The following CNOT4 variants were observed in gnomAD, a reference collection of about 807,000 sequenced individuals.
CNOT4 encodes CCR4-associated factor 4.
In CNOT4, 8 loss-of-function variants were observed where a neutral mutation model predicts 73.8. That is an observed-to-expected ratio of 0.11 (90% CI 0.06 to 0.20). The LOEUF (loss-of-function observed/expected upper bound fraction) is 0.20, where lower values mean the gene tolerates loss of function less well. CNOT4 is among the 10% of genes least tolerant of loss of function. The pLI, the probability that CNOT4 is intolerant of heterozygous loss-of-function variation, is 1.00. For synonymous variants in CNOT4, 293 were observed against 321.1 expected, an observed-to-expected ratio of 0.91 and a Z score of 0.94; for missense variants, 564 against 883.4, an observed-to-expected ratio of 0.64 and a Z score of 4.58.
intron 2 of CNOT4, among the ~76,000 whole-genome samples, chr7:135,437,065 G>C (rs1165209503): frequency 6.6e-6 from 1 of 152,222 alleles, no homozygotes; most frequent in African/African-American, 2.4e-5. Context: ...AAATGTGGCA[G>C]TCCTACCTAT....
chr7:135,363,200 A>T lies in CNOT4; in HGVS notation c.1841-14T>A. 6.2e-7 allele frequency: 1 copy of T among 1,611,376 alleles called. No individual in the cohort carries two copies. Among genetic ancestry groups the T allele is most frequent in the East Asian group, 2.2e-5 (1 of 44,892 alleles). On this transcript the variant is annotated splice_polypyrimidine_tract_variant and intron_variant, in intron 11 of 11. Transcript: ENST00000541284. This position sits in a 1 kb window ranked among gnomAD's most constrained non-coding sequence, Gnocchi z 4.3. ...ACGCTGGAATACCTAAGGAGAGAAA[A>T]GAAAAAAGAGGGAAAATGGTGAGTT...
At chr7:135,386,497 GGC>G (rs1563017881) in intron 10 of CNOT4, 1 of 151,986 alleles carries the variant, frequency 6.6e-6, no homozygotes, top group African/African-American at 2.4e-5. Context: ...GTGAAGTAGT[GGC>G]TTCTTTTATG....
At position 135,503,721 on chromosome 7, in the gene CNOT4, A is replaced by G. The variant is rs534382617; in HGVS notation, c.-93+6168T>C. On this transcript the variant is annotated intron_variant, in intron 1 of 11. Transcript: ENST00000541284. ...AGAAAAATGTGTGCAGAAAGATTTA[A>G]TGCAGAATCCTAATTCTCATCTAAG... Among the ~76,000 whole-genome samples, 7 of 152,318 alleles carry G rather than the reference A, an allele frequency of 4.6e-5. No individual in the cohort carries two copies. In the East Asian group the frequency reaches 1.3e-3, roughly 29 times the overall value.
intron 10 of CNOT4, among the ~76,000 whole-genome samples, chr7:135,371,946 G>A (rs1462216697): frequency 1.3e-5 from 2 of 152,142 alleles, no homozygotes; most frequent in African/African-American, 4.8e-5. Flanking sequence ...ATTTAAGTGA[G>A]CACAAAACTG....
intron 1 of CNOT4, among the ~76,000 whole-genome samples, chr7:135,476,218 A>C (rs1038848572): frequency 6.6e-6 from 1 of 152,204 alleles, no homozygotes; most frequent in Non-Finnish European, 1.5e-5. Context: ...ATCTTCAACG[A>C]AACTGGGAGA....
rs1796431074 is a variant in CNOT4 at position 135,392,058 on chromosome 7, C to A, written c.1627+1860G>T. 2.0e-5 allele frequency among the ~76,000 whole-genome samples: 3 copies of A among 151,892 alleles called. No homozygotes were observed. In the South Asian group the frequency reaches 6.2e-4, roughly 32 times the overall value. On this transcript the variant is annotated intron_variant, in intron 10 of 11. Coordinates refer to ENST00000541284, the MANE Select transcript of CNOT4 (RefSeq NM_001190850.2). Reference sequence around the variant, plus strand: ...TGACATACTAATTCCTGCCTCTATGCCTTTACTCAGGAGGTTTCCATCAAC... The same window carrying A: ...TGACATACTAATTCCTGCCTCTATGACTTTACTCAGGAGGTTTCCATCAAC...
chr7:135,471,622 T>C (rs565735300), intron 1 of CNOT4, among the ~76,000 whole-genome samples: 2 of 152,360 alleles, frequency 1.3e-5, no homozygotes, highest in Admixed American at 6.5e-5. Context: ...TTTATGTATA[T>C]ATGTATGTAT....
At chr7:135,414,476 A>C in intron 4 of CNOT4, 44 bp from the exon 5 acceptor site, 1 of 849,198 alleles carries the variant, frequency 1.2e-6, no homozygotes, top group Non-Finnish European at 2.0e-6. Flanking sequence ...GTTAAAAATT[A>C]AACAATACTA....
At chr7:135,439,918 T>C (rs926830070) in intron 1 of CNOT4, among the ~76,000 whole-genome samples, 1 of 151,952 alleles carries the variant, frequency 6.6e-6, no homozygotes, top group Non-Finnish European at 1.5e-5. Context: ...AAAAATAGTA[T>C]ATAATCTAAT....
intron 9 of CNOT4, among the ~76,000 whole-genome samples, chr7:135,395,210 C>T (rs1243467379): frequency 1.3e-5 from 2 of 151,878 alleles, no homozygotes. Context: ...ATAGCAAGAC[C>T]CTGTCTCTAC....
At chr7:135,476,038 T>C (rs1447101625) in intron 1 of CNOT4, among the ~76,000 whole-genome samples, 1 of 152,224 alleles carries the variant, frequency 6.6e-6, no homozygotes, top group Non-Finnish European at 1.5e-5. Context: ...AATTCATTAA[T>C]TTTGGTAAAA....
At chr7:135,483,888 C>G (rs746677662) in intron 1 of CNOT4, among the ~76,000 whole-genome samples, 3 of 152,096 alleles carry the variant, frequency 2.0e-5, no homozygotes, top group South Asian at 4.1e-4. Flanking sequence ...CAAAGAACAT[C>G]TACAAAAAAA....
intron 2 of CNOT4, among the ~76,000 whole-genome samples, chr7:135,426,651 A>C (rs1383082349): frequency 1.3e-5 from 2 of 150,734 alleles, no homozygotes; most frequent in Non-Finnish European, 3.0e-5. Context: ...GGCTGGGTGC[A>C]GTGGCTCATG....
chr7:135,453,749 T>C (rs1339092691), intron 1 of CNOT4, among the ~76,000 whole-genome samples: 1 of 145,600 alleles, frequency 6.9e-6, no homozygotes, highest in East Asian at 2.0e-4. Context: ...TGTTATATTA[T>C]ATATATATAA....
intron 2 of CNOT4, among the ~76,000 whole-genome samples, chr7:135,425,011 G>A (rs1205124272): frequency 6.6e-6 from 1 of 152,176 alleles, no homozygotes; most frequent in Non-Finnish European, 1.5e-5. Context: ...AACTCTCAGA[G>A]CAACTGACAC....
chr7:135,420,577 CAAAAAAAAAAAAA>C (rs71174521), intron 3 of CNOT4, among the ~76,000 whole-genome samples: 1 of 53,370 alleles, frequency 1.9e-5, no homozygotes, highest in Admixed American at 2.1e-4. Flanking sequence ...ACCATGTCTC[CAAAAAAAAAAAAA>C]AAAAAAAAAG....
At chr7:135,497,898 GAATT>G (rs1243384032) in intron 1 of CNOT4, among the ~76,000 whole-genome samples, 1 of 152,126 alleles carries the variant, frequency 6.6e-6, no homozygotes, top group Non-Finnish European at 1.5e-5. Flanking sequence ...CAAGTGTACT[GAATT>G]AATAGAGAAA....
chr7:135,464,121 GCAGTATGGCAATTCCT>G (rs1280436229), intron 1 of CNOT4, among the ~76,000 whole-genome samples: 8 of 151,520 alleles, frequency 5.3e-5, no homozygotes, highest in Admixed American at 2.6e-4. Flanking sequence ...ACTGTGGAAA[GCAGTATGGCAATTCCT>G]CAGAGCCAAA....
intron 7 of CNOT4, among the ~76,000 whole-genome samples, chr7:135,408,757 G>A (rs1797439104): frequency 6.6e-6 from 1 of 152,124 alleles, no homozygotes; most frequent in Admixed American, 6.6e-5. Flanking sequence ...CGCAGACATG[G>A]GGAGAACAGG....
Sources: allele counts gnomAD v4.1 joint callset (sites outside exome capture counted in the v4.1 genomes callset), GRCh38; gene constraint gnomAD v4.1.1; non-coding constraint Gnocchi (gnomAD v3.1); transcripts MANE v1.5; gene names NCBI Gene and HGNC (gene_info 2026-07-23, HGNC 2026-07-21).